DLGAP2: variants seen among roughly 807,000 people sequenced by gnomAD.
DLGAP2 encodes the protein DLG associated protein 2.
A neutral mutation model predicts 100.3 loss-of-function variants in DLGAP2; 26 were observed. The ratio of observed to expected loss-of-function variants is 0.26; its 90% CI spans 0.19 to 0.36. DLGAP2 has a LOEUF of 0.36. Among genes scored for constraint, DLGAP2 ranks in the 10% least tolerant of loss-of-function variants. The pLI is 1.00. For missense variants in DLGAP2, 1,858 were observed against 1,453.2 expected (o/e 1.28, Z -4.53); for synonymous variants, 886 against 630.1 (o/e 1.41, Z -6.08).
At chr8:857,223 T>G (rs992170936) in intron 1 of DLGAP2, among the ~76,000 whole-genome samples, 2 of 152,076 alleles carry the variant, frequency 1.3e-5, no homozygotes, top group Non-Finnish European at 2.9e-5. Flanking sequence ...TAACACAAAA[T>G]GCAAAACTAT....
At chr8:1,338,127 T>G (rs952652779) in intron 3 of DLGAP2, among the ~76,000 whole-genome samples, 2 of 152,212 alleles carry the variant, frequency 1.3e-5, no homozygotes, top group African/African-American at 2.4e-5. Context: ...GTTAGGAAAT[T>G]CCACACAAAG....
intron 1 of DLGAP2, among the ~76,000 whole-genome samples, chr8:798,739 T>C (rs57032592): frequency 9.5e-4 from 81 of 84,828 alleles, no homozygotes; most frequent in Middle Eastern, 9.3e-3. Flanking sequence ...TGCCTGCTTC[T>C]GTTGGCACTG....
chr8:1,023,468 C>G (rs564109913), intron 2 of DLGAP2, among the ~76,000 whole-genome samples: 2 of 152,170 alleles, frequency 1.3e-5, no homozygotes, highest in Non-Finnish European at 2.9e-5. Flanking sequence ...GTAGCGGGCA[C>G]TGTAGTTGCA....
chr8:876,633 T>C (rs903184176), intron 1 of DLGAP2, among the ~76,000 whole-genome samples: 8 of 152,250 alleles, frequency 5.3e-5, no homozygotes, highest in Non-Finnish European at 1.2e-4. Flanking sequence ...GCTTTTATCC[T>C]TGTTGGAGTT....
At chr8:1,330,474 C>T (rs1312273887) in intron 3 of DLGAP2, among the ~76,000 whole-genome samples, 1 of 132,866 alleles carries the variant, frequency 7.5e-6, no homozygotes, top group Non-Finnish European at 1.6e-5. Context: ...AGCACCACTT[C>T]ACGAGGACTG....
At chr8:1,124,345 C>A (rs565177235) in intron 2 of DLGAP2, among the ~76,000 whole-genome samples, 2 of 152,150 alleles carry the variant, frequency 1.3e-5, no homozygotes, top group Non-Finnish European at 2.9e-5. Context: ...TTACCTGTGG[C>A]CCAGACTCCT....
At chr8:1,466,350 G>A (rs992028864) in intron 3 of DLGAP2, among the ~76,000 whole-genome samples, 5 of 152,058 alleles carry the variant, frequency 3.3e-5, no homozygotes, top group African/African-American at 9.7e-5. Flanking sequence ...ATCCTCAGCC[G>A]TGGCTGCCGC....
intron 3 of DLGAP2, among the ~76,000 whole-genome samples, chr8:1,450,349 GACC>G (rs1798112899): frequency 9.4e-6 from 1 of 105,936 alleles, no homozygotes; most frequent in Non-Finnish European, 2.1e-5. Flanking sequence ...CGAGGTGGGC[GACC>G]TCGGTGGCTG....
chr8:1,353,836 C>A (rs760867698), intron 3 of DLGAP2, among the ~76,000 whole-genome samples: 1 of 151,858 alleles, frequency 6.6e-6, no homozygotes, highest in Non-Finnish European at 1.5e-5. Context: ...ATTTTTAATA[C>A]GGGAAAAATA....
intron 6 of DLGAP2, among the ~76,000 whole-genome samples, chr8:1,595,003 C>T (rs976337798): frequency 6.6e-6 from 1 of 152,064 alleles, no homozygotes; most frequent in Admixed American, 6.6e-5. Context: ...AATCCATACA[C>T]ACTGTCCTCC....
chr8:1,160,217 A>G (rs949701428), intron 2 of DLGAP2, among the ~76,000 whole-genome samples: 3 of 152,162 alleles, frequency 2.0e-5, no homozygotes, highest in African/African-American at 4.8e-5. Context: ...ACACCTGTAT[A>G]AATAGCACAG....
chr8:1,206,948 G>C (rs1355047937), intron 2 of DLGAP2, among the ~76,000 whole-genome samples: 1 of 152,174 alleles, frequency 6.6e-6, no homozygotes, highest in East Asian at 1.9e-4. Flanking sequence ...TCTCAGTGCT[G>C]AGTGGACACC....
At chr8:904,145 A>G (rs939857125) in intron 1 of DLGAP2, among the ~76,000 whole-genome samples, 4 of 152,228 alleles carry the variant, frequency 2.6e-5, no homozygotes, top group Non-Finnish European at 4.4e-5. Context: ...CACTGGCCAC[A>G]CGTAGCCTGT....
intron 2 of DLGAP2, among the ~76,000 whole-genome samples, chr8:1,136,662 C>G (rs1240277882): frequency 6.6e-6 from 1 of 152,216 alleles, no homozygotes; most frequent in African/African-American, 2.4e-5. Flanking sequence ...TCTCTATGCT[C>G]TTCAAATTGA....
intron 2 of DLGAP2, among the ~76,000 whole-genome samples, chr8:950,888 C>T (rs1237628399): frequency 6.6e-6 from 1 of 151,918 alleles, no homozygotes; most frequent in African/African-American, 2.4e-5. Flanking sequence ...CTTCCCAAAG[C>T]GCTGGGATTA....
rs564830760 is a variant in DLGAP2, at chr8:1,554,204, G to A, written c.1230+4521G>A. 2.6e-5 allele frequency among the ~76,000 whole-genome samples: 4 copies of A among 152,288 alleles called. No individual in the cohort carries two copies. In the South Asian group the frequency reaches 6.2e-4, roughly 24 times the overall value. On this transcript the variant is annotated intron_variant, in intron 5 of 14. Coordinates refer to ENST00000637795, the MANE Select transcript of DLGAP2 (RefSeq NM_001346810.2). Reference sequence around the variant, plus strand: ...TCAGGAGGCCAAGGGCTGAGAATTGGTTGAACGTGGGAGGTGGAGGTTGCA... The same window carrying A: ...TCAGGAGGCCAAGGGCTGAGAATTGATTGAACGTGGGAGGTGGAGGTTGCA...
At chr8:1,322,198 G>A (rs558052148) in intron 3 of DLGAP2, among the ~76,000 whole-genome samples, 14 of 152,178 alleles carry the variant, frequency 9.2e-5, no homozygotes, top group Admixed American at 6.5e-5. Context: ...GAATTAATTA[G>A]CCACTAAATA....
chr8:1,319,878 A>C (rs192549187), intron 3 of DLGAP2, among the ~76,000 whole-genome samples: 88 of 152,290 alleles, frequency 5.8e-4, no homozygotes, highest in African/African-American at 1.9e-3. Flanking sequence ...AAACCACAGG[A>C]GACAAAGGCA....
At chr8:1,366,401 G>A (rs1802109119) in intron 3 of DLGAP2, among the ~76,000 whole-genome samples, 1 of 152,238 alleles carries the variant, frequency 6.6e-6, no homozygotes, top group East Asian at 1.9e-4. Context: ...AGGGCATGTT[G>A]TGAGAGAACC....
Sources: gnomAD v4.1 joint callset for allele counts (sites outside exome capture counted in the v4.1 genomes callset) on GRCh38, gnomAD v4.1.1 for gene constraint, MANE v1.5 for transcripts, NCBI Gene and HGNC (gene_info 2026-07-23, HGNC 2026-07-21) for gene names.